The following ELOVL2 variants were observed in gnomAD, a reference collection of about 807,000 sequenced individuals.
ELOVL2 encodes the protein very long chain fatty acid elongase 2.
A neutral mutation model predicts 37.7 loss-of-function variants in ELOVL2; 38 were observed. The ratio of observed to expected loss-of-function variants is 1.01; its 90% confidence interval spans 0.78 to 1.32. The LOEUF is 1.32. Among genes scored for constraint, ELOVL2 ranks in the 40% most tolerant of loss-of-function variants. ELOVL2 has a pLI of 0.00. For missense variants in ELOVL2, 352 were observed against 363.6 expected (o/e 0.97, Z 0.26); for synonymous variants, 115 against 122.3 (o/e 0.94, Z 0.40).
intron 1 of ELOVL2, among the ~76,000 whole-genome samples, chr6:11,035,300 A>C (rs1230679145): frequency 6.6e-6 from 1 of 152,178 alleles, no homozygotes; most frequent in Admixed American, 6.5e-5. Context: ...CTAGAGCGTA[A>C]GATTTCAAAT....
intron 1 of ELOVL2, among the ~76,000 whole-genome samples, chr6:11,017,254 C>A (rs1782698148): frequency 6.6e-6 from 1 of 152,122 alleles, no homozygotes; most frequent in African/African-American, 2.4e-5. Context: ...GTCACAATAA[C>A]CTTGCAAGTT....
At chr6:11,010,125 G>T (rs760360129) in intron 2 of ELOVL2, among the ~76,000 whole-genome samples, 2 of 150,376 alleles carry the variant, frequency 1.3e-5, no homozygotes, top group African/African-American at 2.4e-5. Context: ...CTGGGTTCAA[G>T]TGATTCTCCT....
chr6:10,989,905 C>T lies in ELOVL2; in HGVS notation c.631-68G>A, dbSNP rs1406288790. ...GTGCCACACAGACACTGCGGCCAAG[C>T]TTGATCAATTCAGAAATCAACTCCT... On this transcript the variant is annotated intron_variant, in intron 6 of 7. Transcript: ENST00000354666. The T allele has an allele frequency of 2.5e-6, 4 of 1,580,250 alleles. No homozygotes were observed. In the Admixed American group the frequency reaches 5.2e-5, roughly 21 times the overall value.
At position 10,982,182 on chromosome 6, in the gene ELOVL2, G is replaced by C. The variant is rs901289906; in HGVS notation, c.*1599C>G. Reference sequence around the variant, plus strand: ...TGCATCACCCTAGAGACTATCCTAAGCATTAGGCACCTTCCAAAAAATATG... The same window carrying C: ...TGCATCACCCTAGAGACTATCCTAACCATTAGGCACCTTCCAAAAAATATG... On this transcript the variant is annotated 3_prime_UTR_variant, in exon 8 of 8. Coordinates refer to ENST00000354666, the MANE Select transcript of ELOVL2 (RefSeq NM_017770.4). The C allele has an allele frequency of 6.6e-6, 1 of 152,176 alleles. No homozygotes were observed. Among genetic ancestry groups the C allele is most frequent in the Non-Finnish European group, 1.5e-5 (1 of 68,036 alleles). The allele number at this position is 152,176 out of a possible 1,614,324, so 9.4% of individuals were successfully genotyped here. A position where few individuals can be genotyped will look rare whatever the true frequency, so the allele number is the denominator to read the frequency against.
At chr6:10,987,783 G>A (rs1285561938) in intron 7 of ELOVL2, among the ~76,000 whole-genome samples, 5 of 152,104 alleles carry the variant, frequency 3.3e-5, no homozygotes, top group Non-Finnish European at 5.9e-5. Context: ...AGTGGAAAAA[G>A]TGCTGTTATT....
At position 11,000,122 on chromosome 6, in the gene ELOVL2, G is replaced by T; in HGVS notation, c.298C>A (p.Gln100Lys). The change falls in exon 4 of 8, where the codon CAA (glutamine) becomes AAA (lysine). Residue 100 changes from glutamine to lysine, a missense_variant. Transcript: ENST00000354666. The stretch of plus-strand genomic sequence containing the variant: ...GCTTCCCCTGCGCTGGTAAGATCTT[G>T]ACACTGTAAGTTGTAGCCTCCTTCC... ...TWEGGYNLQC[Q>K]DLTSAGEADI... is the part of the protein sequence containing the mutation. 6.2e-7 allele frequency: 1 copy of T among 1,614,152 alleles called. No homozygotes were observed. Among genetic ancestry groups the T allele is most frequent in the Non-Finnish European group, 8.5e-7 (1 of 1,180,018 alleles).
At chr6:10,988,527 G>A (rs935888863) in intron 7 of ELOVL2, among the ~76,000 whole-genome samples, 1 of 152,148 alleles carries the variant, frequency 6.6e-6, no homozygotes, top group African/African-American at 2.4e-5. Flanking sequence ...CTGCGCCATT[G>A]CACTCCAGCC....
At chr6:11,009,138 G>A (rs537963467) in intron 2 of ELOVL2, among the ~76,000 whole-genome samples, 2 of 152,262 alleles carry the variant, frequency 1.3e-5, no homozygotes, top group Admixed American at 1.3e-4. Flanking sequence ...AAAACAGCCA[G>A]GGTTCCTGCC....
At position 11,000,124 on chromosome 6, in the gene ELOVL2, C is replaced by G; in HGVS notation, c.296G>C (p.Cys99Ser). 6.2e-7 allele frequency: 1 copy of G among 1,614,182 alleles called. No individual in the cohort carries two copies. The highest frequency in any genetic ancestry group is 8.5e-7 in the Non-Finnish European group (1 of 1,180,028). ...TTCCCCTGCGCTGGTAAGATCTTGA[C>G]ACTGTAAGTTGTAGCCTCCTTCCCA... ...STWEGGYNLQ[C>S]QDLTSAGEAD... Residue 99 changes from cysteine (C) to serine (S), a missense_variant, in exon 4 of 8, where the codon TGT becomes TCT. By Grantham distance (112) the Cys-to-Ser change is moderately radical. Coordinates refer to ENST00000354666, the MANE Select transcript of ELOVL2 (RefSeq NM_017770.4).
intron 1 of ELOVL2, among the ~76,000 whole-genome samples, chr6:11,030,291 G>T (rs1299739517): frequency 6.6e-6 from 1 of 152,060 alleles, no homozygotes; most frequent in Non-Finnish European, 1.5e-5. Flanking sequence ...ACAATAGAAG[G>T]CCCTCCTGCC....
chr6:10,990,550 T>A, intron 5 of ELOVL2, 108 bp from the exon 6 acceptor site: 1 of 1,048,318 alleles, frequency 9.5e-7, no homozygotes, highest in Non-Finnish European at 1.3e-6. Flanking sequence ...GAGTAGCACA[T>A]ATGACATGAT....
chr6:11,032,269 A>C (rs891515765), intron 1 of ELOVL2, among the ~76,000 whole-genome samples: 2 of 151,920 alleles, frequency 1.3e-5, no homozygotes, highest in African/African-American at 4.8e-5. Context: ...TAAATAGCAG[A>C]ACATATTCTC....
intron 1 of ELOVL2, among the ~76,000 whole-genome samples, chr6:11,024,796 T>G (rs1307611292): frequency 6.6e-6 from 1 of 152,226 alleles, no homozygotes; most frequent in Admixed American, 6.5e-5. Context: ...AAAGTAACCT[T>G]AACCTAAATT....
chr6:11,039,385 TGTG>T (rs1433746759), intron 1 of ELOVL2, among the ~76,000 whole-genome samples: 2 of 152,178 alleles, frequency 1.3e-5, no homozygotes, highest in Non-Finnish European at 2.9e-5. Flanking sequence ...TCATTGCTAT[TGTG>T]GTGGTGGTGG....
intron 5 of ELOVL2, among the ~76,000 whole-genome samples, chr6:10,994,423 G>A (rs149403679): frequency 1.7e-3 from 254 of 145,390 alleles, no homozygotes; most frequent in African/African-American, 6.1e-3. Context: ...AGCTGAGATC[G>A]CGCCACTGCA....
intron 5 of ELOVL2, among the ~76,000 whole-genome samples, chr6:10,994,252 A>T (rs1314803512): frequency 6.6e-6 from 1 of 152,020 alleles, no homozygotes; most frequent in African/African-American, 2.4e-5. Flanking sequence ...GGATTGCCTG[A>T]GATCAGAAGT....
chr6:10,984,604 T>C (rs1157113114), intron 7 of ELOVL2, among the ~76,000 whole-genome samples: 1 of 146,504 alleles, frequency 6.8e-6, no homozygotes, highest in Non-Finnish European at 1.5e-5. Flanking sequence ...AGTGAGAACA[T>C]GCGGTGTTTG....
At chr6:11,019,304 CA>C (rs1271510423) in intron 1 of ELOVL2, among the ~76,000 whole-genome samples, 1 of 152,178 alleles carries the variant, frequency 6.6e-6, no homozygotes, top group Admixed American at 6.5e-5. Flanking sequence ...TAAATATAGA[CA>C]TTTTTTCCCT....
At chr6:10,997,133 T>A (rs1782284918) in intron 4 of ELOVL2, among the ~76,000 whole-genome samples, 1 of 152,206 alleles carries the variant, frequency 6.6e-6, no homozygotes, top group Admixed American at 6.5e-5. Flanking sequence ...GGAGAATAAG[T>A]CAAATGAACA....
Sources: gnomAD v4.1 joint callset for allele counts (sites outside exome capture counted in the v4.1 genomes callset) on GRCh38, gnomAD v4.1.1 for gene constraint, MANE v1.5 for transcripts, NCBI Gene and HGNC (gene_info 2026-07-23, HGNC 2026-07-21) for gene names.